Variants in PGLYRP3 observed in about 807,000 individuals in gnomAD.
The protein encoded by PGLYRP3 is peptidoglycan recognition protein I alpha.
PGLYRP3 carries 39 observed loss-of-function variants against 36.0 expected under a neutral mutation model. The ratio of observed to expected loss-of-function variants is 1.08; its 90% CI spans 0.84 to 1.41. The LOEUF (loss-of-function observed/expected upper bound fraction) is 1.41, where lower values mean the gene tolerates loss of function less well. Ranked by LOEUF, PGLYRP3 falls within the 40% of genes most tolerant of loss-of-function variation. PGLYRP3 has a pLI of 0.00. For missense variants in PGLYRP3, 407 were observed against 427.9 expected (o/e 0.95, Z 0.43); for synonymous variants, 204 against 172.8 (o/e 1.18, Z -1.42).
chr1:153,308,593 A>G (rs1404710085), intron 2 of PGLYRP3, among the ~76,000 whole-genome samples: 1 of 152,128 alleles, frequency 6.6e-6, no homozygotes, highest in Admixed American at 6.5e-5. Flanking sequence ...CTTGGGTCTC[A>G]CTCCAGGAGA....
Position 153,302,592 on chromosome 1 carries a change from A to T in PGLYRP3, c.545T>A (p.Ile182Asn). 6.2e-7 allele frequency: 1 copy of T among 1,614,084 alleles called. No individual in the cohort carries two copies. Among genetic ancestry groups the T allele is most frequent in the Non-Finnish European group, 8.5e-7 (1 of 1,180,010 alleles). ...VMPRKVCPNI[I>N]KRSAWEARET... ...TCTGGCTTCCCAAGCAGATCGTTTG[A>T]TGATGTTGGGGCAAACTGTGGTAAA... The change falls in exon 6 of 8, where the codon ATC becomes AAC. Residue 182 changes from isoleucine (I) to asparagine (N), a missense_variant. Ile to Asn is a moderately radical substitution (Grantham distance 149). Transcript: ENST00000683862.
At chr1:153,302,334 T>G (rs1659616751) in intron 6 of PGLYRP3, 75 bp downstream of exon 6, 2 of 1,486,486 alleles carry the variant, frequency 1.3e-6, no homozygotes, top group Non-Finnish European at 1.9e-6. Flanking sequence ...TCAGGAAACA[T>G]CAGTTCCCTC....
At chr1:153,299,040 C>T in intron 7 of PGLYRP3, 73 bp downstream of exon 7, 2 of 1,290,588 alleles carry the variant, frequency 1.5e-6, no homozygotes, top group Middle Eastern at 1.8e-4. Flanking sequence ...GCTGCCTTTC[C>T]CGCCATGCTT....
At position 153,305,057 on chromosome 1, in the gene PGLYRP3, A is replaced by G. The variant is rs753735608; in HGVS notation, c.266T>C (p.Val89Ala). Residue 89 changes from valine to alanine, a missense_variant, in exon 4 of 8, where the codon GTT becomes GCT. Val to Ala is a moderately conservative substitution (Grantham distance 64, BLOSUM62 0). Coordinates refer to ENST00000683862, the MANE Select transcript of PGLYRP3 (RefSeq NM_052891.3). ...TTCATACACCCTGCCATCATCCCCA[A>G]CCAGGAAGCTGACAAGAAGGAAATA... The part of the protein sequence containing the change: ...GWCDVAYNFL[V>A]GDDGRVYEGV... The G allele has an allele frequency of 5.6e-6, 9 of 1,610,450 alleles. No homozygotes were observed. Among genetic ancestry groups the G allele is most frequent in the Non-Finnish European group, 1.7e-6 (2 of 1,178,558 alleles).
chr1:153,297,584 GAAAGAAA>G lies in PGLYRP3; in HGVS notation c.*365_*371del. On this transcript the variant is annotated 3_prime_UTR_variant, in exon 8 of 8. Transcript: ENST00000683862. ...GAAAAAGAAAGAAAGAAAGAAAGAA[GAAAGAAA>G]GAAAGAAAGAAAGAGAAAGGAAGCA... 2.1e-5 allele frequency among the ~76,000 whole-genome samples: 1 copy of G among 46,962 alleles called. No homozygotes were observed. Among genetic ancestry groups the G allele is most frequent in the African/African-American group, 7.6e-5 (1 of 13,212 alleles). The allele number at this position is 46,962 out of a possible 152,430, so 30.8% of individuals were successfully genotyped here. A position where few individuals can be genotyped will look rare whatever the true frequency, so the allele number is the denominator to read the frequency against.
chr1:153,297,558 AGAAAAAGAAAGAAAGAAAGAAAG>A lies in PGLYRP3; in HGVS notation c.*375_*397del, dbSNP rs1659464626. Among the ~76,000 whole-genome samples, 1 of 65,590 alleles carries A rather than the reference AGAAAAAGAAAGAAAGAAAGAAAG, an allele frequency of 1.5e-5. No homozygotes were observed. 43.0% of individuals were successfully genotyped at this position (65,590 alleles called of 152,430 possible). On this transcript the variant is annotated 3_prime_UTR_variant, in exon 8 of 8. Transcript: ENST00000683862. ...AGGAAGGAAGGAAGGAAGGAAAGAA[AGAAAAAGAAAGAAAGAAAGAAAG>A]AAGAAAGAAAGAAAGAAAGAAAGAG...
intron 1 of PGLYRP3, among the ~76,000 whole-genome samples, chr1:153,310,963 A>G (rs1404927723): frequency 6.6e-5 from 10 of 152,236 alleles, no homozygotes; most frequent in African/African-American, 2.4e-4. Flanking sequence ...ATAGAAGCGC[A>G]GTGCCTGATC....
At chr1:153,312,557 C>T (rs1286446082) in intron 1 of PGLYRP3, among the ~76,000 whole-genome samples, 86 bp downstream of exon 1, 1 of 151,950 alleles carries the variant, frequency 6.6e-6, no homozygotes, top group Non-Finnish European at 1.5e-5. Context: ...ACATTTTAAC[C>T]CTATAGACTT....
At position 153,302,105 on chromosome 1, in the gene PGLYRP3, T is replaced by C. The variant is rs139413483; in HGVS notation, c.728+304A>G. ...TCTGACAGGTTAGAAGGGATTGCAT[T>C]AAAAAGGTACAACCCTTCATGGCCT... On this transcript the variant is annotated intron_variant, in intron 6 of 7. Transcript: ENST00000683862. Among the ~76,000 whole-genome samples, 268 of 152,310 alleles carry C rather than the reference T, an allele frequency of 1.8e-3. 1 individual carries two copies. Among genetic ancestry groups the C allele is most frequent in the African/African-American group, 6.0e-3 (249 of 41,572 alleles).
In PGLYRP3 at chr1:153,309,669, G is replaced by C. The variant is rs201057321; in HGVS notation, c.55+942C>G. Among the ~76,000 whole-genome samples the C allele has an allele frequency of 2.4e-4, 36 of 152,338 alleles. No homozygotes were observed. The East Asian group carries it at 6.7e-3, about 29-fold the overall frequency. ...TCAGCAGGCAGAGGGCCTAAGCTGG[G>C]CTGTGAAGGGGACACAGAGGACTGG... is the stretch of plus-strand genomic sequence containing the variant. On this transcript the variant is annotated intron_variant, in intron 2 of 7. Transcript: ENST00000683862.
chr1:153,306,624 C>T (rs1659744159), intron 3 of PGLYRP3, among the ~76,000 whole-genome samples: 4 of 152,200 alleles, frequency 2.6e-5, no homozygotes, highest in East Asian at 1.9e-4. Context: ...GCTCTGGGTA[C>T]GTGCTTCCTC....
chr1:153,304,840 G>C, intron 4 of PGLYRP3, 107 bp downstream of exon 4: 1 of 773,896 alleles, frequency 1.3e-6, no homozygotes, highest in Admixed American at 2.6e-5. Flanking sequence ...GATCATCAGA[G>C]AAGGTAAGTA....
Position 153,299,127 on chromosome 1 carries a change from A to G in PGLYRP3, c.833T>C (p.Ile278Thr). Residue 278 changes from isoleucine (I) to threonine (T), a missense_variant, in exon 7 of 8, where the codon ATC (isoleucine) becomes ACC (threonine). Physicochemically the swap from Ile to Thr is moderately conservative, Grantham distance 89. Transcript: ENST00000683862. ...TCACCCCTTACCTACAAAGTAGCCG[A>G]TGAAGGCAATTCCTAGGGCAATATC... ...FNDIALGIAFIGYFVEKPPNA... is the reference protein window; with the variant it reads ...FNDIALGIAFTGYFVEKPPNA... 2.5e-6 allele frequency: 4 copies of G among 1,614,056 alleles called. No homozygotes were observed. The highest frequency in any genetic ancestry group is 3.4e-6 in the Non-Finnish European group (4 of 1,179,950).
At position 153,302,512 on chromosome 1, in the gene PGLYRP3, T is replaced by C. The variant is rs1571101843; in HGVS notation, c.625A>G (p.Thr209Ala). 1 of 1,614,188 alleles carries C rather than the reference T, an allele frequency of 6.2e-7. No homozygotes were observed. The highest frequency in any genetic ancestry group is 8.5e-7 in the Non-Finnish European group (1 of 1,180,024). ...LPAKYVIIIH[T>A]AGTSCTVSTD... ...GATACAGTGCAGCTTGTGCCAGCGG[T>C]GTGGATGATGATGACATATTTGGCT... is the stretch of plus-strand genomic sequence containing the variant. Residue 209 changes from threonine to alanine, a missense_variant, in exon 6 of 8, where the codon ACC becomes GCC. Physicochemically the swap from Thr to Ala is moderately conservative, Grantham distance 58. Transcript: ENST00000683862.
chr1:153,302,960 A>G (rs1440906748), intron 5 of PGLYRP3, among the ~76,000 whole-genome samples: 2 of 152,254 alleles, frequency 1.3e-5, no homozygotes, highest in South Asian at 2.1e-4. Context: ...TAACAGGGCT[A>G]CTACGCGGAA....
rs768396455 is a variant in PGLYRP3, at chr1:153,303,822, C to T, written c.529+35G>A. ...GACTCCAAACATGGCTAGGTGGTGA[C>T]GAGGAGGAGGGTGAGGTGACATGGA... On this transcript the variant is annotated intron_variant, in intron 5 of 7. Coordinates refer to ENST00000683862, the MANE Select transcript of PGLYRP3 (RefSeq NM_052891.3). The T allele has an allele frequency of 1.5e-5, 23 of 1,581,464 alleles. No homozygotes were observed. In the East Asian group the frequency reaches 1.6e-4, roughly 11 times the overall value.
At chr1:153,302,924 T>C (rs1402129759) in intron 5 of PGLYRP3, among the ~76,000 whole-genome samples, 1 of 152,166 alleles carries the variant, frequency 6.6e-6, no homozygotes, top group Non-Finnish European at 1.5e-5. Context: ...GCATTGCAAA[T>C]ATATATGCAG....
chr1:153,307,290 G>A, intron 2 of PGLYRP3, 23 bp from the exon 3 acceptor site: 1 of 1,565,292 alleles, frequency 6.4e-7, no homozygotes, highest in Non-Finnish European at 8.7e-7. Context: ...CCACAGAATG[G>A]CACATAGCAG....
chr1:153,307,343 C>A, intron 2 of PGLYRP3, 76 bp from the exon 3 acceptor site: 3 of 1,429,154 alleles, frequency 2.1e-6, no homozygotes, highest in Non-Finnish European at 2.9e-6. Flanking sequence ...TGTGCCCTGA[C>A]CTCTCATGCT....
Sources: gnomAD v4.1 joint callset for allele counts (sites outside exome capture counted in the v4.1 genomes callset) on GRCh38, gnomAD v4.1.1 for gene constraint, MANE v1.5 for transcripts, NCBI Gene and HGNC (gene_info 2026-07-23, HGNC 2026-07-21) for gene names.